LRIG2: variants seen among roughly 807,000 people sequenced by gnomAD.
LRIG2 encodes the protein leucine-rich repeats and immunoglobulin-like domains protein 2.
In LRIG2, 93 loss-of-function variants were observed where a neutral mutation model predicts 107.8. The observed-to-expected ratio is 0.86, with a 90% CI of 0.73 to 1.03. LRIG2 has a LOEUF of 1.03. LRIG2 is among the 50% of genes least tolerant of loss of function. The probability of loss-of-function intolerance (pLI) is 0.00; values close to 1 mark genes in which losing one functional copy is unlikely to be tolerated. For synonymous variants in LRIG2, 471 were observed against 470.6 expected (o/e 1.00, Z -0.01); for missense variants, 1,226 against 1,296.0 (o/e 0.95, Z 0.83).
intron 1 of LRIG2, among the ~76,000 whole-genome samples, chr1:113,079,740 CTT>C (rs1052163783): frequency 0.012 from 1,602 of 128,766 alleles, 15 homozygotes; most frequent in East Asian, 0.03. Context: ...CAGGAGAAAT[CTT>C]TTTTTTTTTT....
chr1:113,129,182 G>A lies in LRIG2; in HGVS notation c.*5081G>A, dbSNP rs12732564. On this transcript the variant is annotated 3_prime_UTR_variant, in exon 18 of 18. Transcript: ENST00000361127. ...AAAAATTAGCTGGGCGTGGTGGTGC[G>A]CGCCTGTAGTCCTAGCTGCTCGGGA... 15,680 of 151,950 alleles carry A rather than the reference G, an allele frequency of 0.1. 998 individuals carry two copies. Among genetic ancestry groups the A allele is most frequent in the Admixed American group, 0.16 (2,472 of 15,240 alleles). 9.4% of individuals were successfully genotyped at this position (151,950 alleles called of 1,614,324 possible). A position where few individuals can be genotyped will look rare whatever the true frequency, so the allele number is the denominator to read the frequency against.
chr1:113,078,484 C>T (rs1165486848), intron 1 of LRIG2, among the ~76,000 whole-genome samples: 1 of 151,880 alleles, frequency 6.6e-6, no homozygotes, highest in Non-Finnish European at 1.5e-5. Flanking sequence ...GGTGATCCAC[C>T]CACCTCGGCC....
At position 113,113,586 on chromosome 1, in the gene LRIG2, G is replaced by A. The variant is rs375320530; in HGVS notation, c.2080+826G>A. 2.4e-3 allele frequency among the ~76,000 whole-genome samples: 343 copies of A among 145,608 alleles called. 1 individual carries two copies. Among genetic ancestry groups the A allele is most frequent in the African/African-American group, 8.3e-3 (320 of 38,774 alleles). ...TTTATTTATTTATTTATTTTGAGAC[G>A]GAGTCTCATTCTGTTGCCCAGGCTG... is the stretch of plus-strand genomic sequence containing the variant. On this transcript the variant is annotated intron_variant, in intron 14 of 17. Transcript: ENST00000361127.
chr1:113,111,516 C>T (rs1416981122), intron 13 of LRIG2, among the ~76,000 whole-genome samples: 1 of 152,178 alleles, frequency 6.6e-6, no homozygotes, highest in African/African-American at 2.4e-5. Flanking sequence ...CATGATACCA[C>T]TCTGTATGCC....
intron 13 of LRIG2, 152 bp from the exon 14 acceptor site, chr1:113,112,327 C>G: frequency 1.5e-6 from 1 of 688,384 alleles, no homozygotes. Context: ...ATTTATAAAA[C>G]TATATTCACT....
chr1:113,085,634 A>G (rs1398208860), intron 1 of LRIG2, among the ~76,000 whole-genome samples: 2 of 152,202 alleles, frequency 1.3e-5, no homozygotes, highest in Non-Finnish European at 2.9e-5. Flanking sequence ...AGCCATTTCT[A>G]GTTCAACCAC....
At position 113,118,601 on chromosome 1, in the gene LRIG2, T is replaced by G. The variant is rs898063608; in HGVS notation, c.2681-632T>G. 9.9e-5 allele frequency among the ~76,000 whole-genome samples: 15 copies of G among 152,234 alleles called. No homozygotes were observed. The East Asian group carries it at 2.9e-3, about 29-fold the overall frequency. ...AATAGACAGAGATGGTTCAGTGTAG[T>G]TTTCAAGAGCATGGGCTCTGGAGCC... On this transcript the variant is annotated intron_variant, in intron 16 of 17. Transcript: ENST00000361127.
chr1:113,120,462 A>G (rs1192071987), intron 17 of LRIG2, among the ~76,000 whole-genome samples: 1 of 151,768 alleles, frequency 6.6e-6, no homozygotes, highest in African/African-American at 2.4e-5. Context: ...AAATAGTAAT[A>G]ATAAAATTTG....
chr1:113,085,145 C>T (rs1275611010), intron 1 of LRIG2, among the ~76,000 whole-genome samples: 5 of 152,178 alleles, frequency 3.3e-5, no homozygotes, highest in African/African-American at 1.2e-4. Flanking sequence ...ACTGTAATTA[C>T]GTTATTTGTA....
chr1:113,093,972 T>C (rs991814497), intron 4 of LRIG2, among the ~76,000 whole-genome samples: 5 of 152,136 alleles, frequency 3.3e-5, no homozygotes, highest in Non-Finnish European at 4.4e-5. Flanking sequence ...TCAGAAAATA[T>C]TGGTAGATAT....
In LRIG2 at chr1:113,073,271, T is replaced by A. The variant is rs1209278417; in HGVS notation, c.-136T>A. 2 of 734,384 alleles carry A rather than the reference T, an allele frequency of 2.7e-6. No homozygotes were observed. Among genetic ancestry groups the A allele is most frequent in the Non-Finnish European group, 4.7e-6 (2 of 427,174 alleles). The allele number at this position is 734,384 out of a possible 1,614,324, so 45.5% of individuals were successfully genotyped here. ...TGTCGCGCTGCGTCTGCTCCTTGCA[T>A]GCCTTTAGATGGTACAGCCTTCAGC... On this transcript the variant is annotated 5_prime_UTR_variant, in exon 1 of 18. The change abolishes an upstream ATG in the 5' untranslated region. Transcript: ENST00000361127.
Position 113,126,265 on chromosome 1 carries a change from TATC to T in LRIG2, c.*2167_*2169del, listed in dbSNP as rs1277053572. On this transcript the variant is annotated 3_prime_UTR_variant, in exon 18 of 18. Transcript: ENST00000361127. Reference sequence around the variant, plus strand: ...TCATTCAAAAGTCTGAGATGTATATTATCATGAAATATTTGTGAAATTTCTCAC... The same window carrying T: ...TCATTCAAAAGTCTGAGATGTATATTATGAAATATTTGTGAAATTTCTCAC... The T allele has an allele frequency of 6.6e-6, 1 of 152,442 alleles. No individual in the cohort carries two copies. The highest frequency in any genetic ancestry group is 1.5e-5 in the Non-Finnish European group (1 of 68,136). 9.4% of individuals were successfully genotyped at this position (152,442 alleles called of 1,614,324 possible).
In LRIG2 at chr1:113,098,719, A is replaced by G. The variant is rs779728840; in HGVS notation, c.1106A>G (p.Asn369Ser). ...SNLQTLDLRNNEISWAIEDAS... is the reference protein window; with the variant it reads ...SNLQTLDLRNSEISWAIEDAS... ...CATTTTTGTAGAGACTTAAGAAACA[A>G]TGAAATTTCATGGGCCATAGAAGAT... is the stretch of plus-strand genomic sequence containing the variant. The change falls in exon 9 of 18, where the codon AAT (asparagine) becomes AGT (serine). Residue 369 changes from asparagine to serine, a missense_variant. Transcript: ENST00000361127. 9 of 1,611,428 alleles carry G rather than the reference A, an allele frequency of 5.6e-6. No homozygotes were observed. Among genetic ancestry groups the G allele is most frequent in the African/African-American group, 1.3e-5 (1 of 75,004 alleles).
chr1:113,074,704 C>G (rs952327227), intron 1 of LRIG2, among the ~76,000 whole-genome samples: 1 of 148,722 alleles, frequency 6.7e-6, no homozygotes. Context: ...GTCAAGAGAT[C>G]GAGACCATCC....
intron 1 of LRIG2, among the ~76,000 whole-genome samples, chr1:113,080,989 A>G (rs1372214825): frequency 1.3e-5 from 2 of 151,858 alleles, no homozygotes; most frequent in Non-Finnish European, 2.9e-5. Flanking sequence ...GATTACAGGC[A>G]TGCACCACAC....
At position 113,110,253 on chromosome 1, in the gene LRIG2, AAGCCAC is replaced by A; in HGVS notation, c.1492_1497del (p.Pro498_Gln499del). ...TTTTTTCCCCTTAGATGATTTTCTCAAGCCACAGATAAGGACACATCCTGAAACCAT... is the reference window on the plus strand; with the variant it reads ...TTTTTTCCCCTTAGATGATTTTCTCAAGATAAGGACACATCCTGAAACCAT... On this transcript the variant is annotated inframe_deletion, in exon 13 of 18. Transcript: ENST00000361127. 1.3e-6 allele frequency: 2 copies of A among 1,580,014 alleles called. No homozygotes were observed.
At chr1:113,092,007 C>T (rs910063701) in intron 2 of LRIG2, among the ~76,000 whole-genome samples, 2 of 152,132 alleles carry the variant, frequency 1.3e-5, no homozygotes, top group Non-Finnish European at 2.9e-5. Context: ...ATTTACTTTC[C>T]TTTTTAATTC....
intron 1 of LRIG2, among the ~76,000 whole-genome samples, chr1:113,088,171 G>C (rs1443715560): frequency 2.0e-5 from 3 of 152,078 alleles, no homozygotes; most frequent in Non-Finnish European, 4.4e-5. Context: ...TTGTTTTAGA[G>C]GGTCCAGAGA....
intron 8 of LRIG2, among the ~76,000 whole-genome samples, chr1:113,096,786 A>G (rs999822720): frequency 6.6e-6 from 1 of 152,240 alleles, no homozygotes; most frequent in Non-Finnish European, 1.5e-5. Flanking sequence ...CTGGTTTGCT[A>G]CATGACTTTG....
Sources: allele counts gnomAD v4.1 joint callset (sites outside exome capture counted in the v4.1 genomes callset), GRCh38; gene constraint gnomAD v4.1.1; transcripts MANE v1.5; gene names NCBI Gene and HGNC (gene_info 2026-07-23, HGNC 2026-07-21).